SESTD1: variants seen among roughly 807,000 people sequenced by gnomAD.
The protein encoded by SESTD1 is SEC14 domain and spectrin repeat-containing protein 1.
In SESTD1, 43 loss-of-function variants were observed where a neutral mutation model predicts 101.7. That is an observed-to-expected ratio of 0.42 (90% CI 0.33 to 0.55). SESTD1 has a LOEUF of 0.55. SESTD1 is among the 20% of genes least tolerant of loss of function. The pLI is 0.07. For synonymous variants in SESTD1, 283 were observed against 286.8 expected (o/e 0.99, Z 0.13); for missense variants, 647 against 815.1 (o/e 0.79, Z 2.51).
intron 5 of SESTD1, among the ~76,000 whole-genome samples, chr2:179,154,303 G>C (rs2045586105): frequency 2.1e-5 from 3 of 145,140 alleles, no homozygotes; most frequent in South Asian, 2.3e-4. Flanking sequence ...GGAAGAGAGG[G>C]AGGGAGGGAG....
rs1164014830 is a variant in SESTD1, at chr2:179,201,814, C to T, written c.-25-9948G>A. 1.6e-5 allele frequency among the ~76,000 whole-genome samples: 2 copies of T among 128,772 alleles called. 1 individual carries two copies. The highest frequency in any genetic ancestry group is 3.3e-5 in the Non-Finnish European group (2 of 61,164). The allele number at this position is 128,772 out of a possible 152,430, so 84.5% of individuals were successfully genotyped here. ...GGGAGGGATAGCATTGGGCAACATA[C>T]CTAATGCTAGATGATGAGTTAGTGG... is the stretch of plus-strand genomic sequence containing the variant. On this transcript the variant is annotated intron_variant, in intron 1 of 17. Coordinates refer to ENST00000428443, the MANE Select transcript of SESTD1 (RefSeq NM_178123.5).
chr2:179,232,441 A>C (rs2047001270), intron 1 of SESTD1, among the ~76,000 whole-genome samples: 2 of 151,948 alleles, frequency 1.3e-5, no homozygotes, highest in African/African-American at 2.4e-5. Flanking sequence ...AAATCCTGGA[A>C]TTTTTTTAAG....
chr2:179,110,620 C>T (rs1013512974), intron 17 of SESTD1, among the ~76,000 whole-genome samples: 2 of 151,994 alleles, frequency 1.3e-5, no homozygotes, highest in African/African-American at 2.4e-5. Flanking sequence ...TAAGCAAGGT[C>T]ACCCAGGGAA....
intron 1 of SESTD1, among the ~76,000 whole-genome samples, chr2:179,258,839 T>C (rs1315104670): frequency 6.6e-6 from 1 of 152,268 alleles, no homozygotes; most frequent in Admixed American, 6.5e-5. Flanking sequence ...AGTATCATCT[T>C]AAATTACTAC....
intron 10 of SESTD1, among the ~76,000 whole-genome samples, chr2:179,129,635 T>A (rs2044963147): frequency 6.6e-6 from 1 of 152,224 alleles, no homozygotes; most frequent in Non-Finnish European, 1.5e-5. Context: ...TCTCAAATTC[T>A]ACCGTTAACA....
chr2:179,197,758 C>T (rs1223043065), intron 1 of SESTD1, among the ~76,000 whole-genome samples: 3 of 151,982 alleles, frequency 2.0e-5, no homozygotes, highest in Admixed American at 6.6e-5. Flanking sequence ...CAAGCAAATG[C>T]TGAGAGATTT....
Position 179,149,412 on chromosome 2 carries a change from T to C in SESTD1, c.484-18A>G. ...TCAAAAACCTACAATATGAGTTTTATTAACATACTAAGAACAGTCTTAAAA... is the reference window on the plus strand; with the variant it reads ...TCAAAAACCTACAATATGAGTTTTACTAACATACTAAGAACAGTCTTAAAA... On this transcript the variant is annotated intron_variant, in intron 6 of 17. Transcript: ENST00000428443. 1.3e-6 allele frequency: 2 copies of C among 1,496,854 alleles called. No homozygotes were observed. Among genetic ancestry groups the C allele is most frequent in the South Asian group, 1.2e-5 (1 of 84,714 alleles). The allele number at this position is 1,496,854 out of a possible 1,614,324, so 92.7% of individuals were successfully genotyped here.
chr2:179,109,872 T>A lies in SESTD1; in HGVS notation c.*27A>T. On this transcript the variant is annotated 3_prime_UTR_variant, in exon 18 of 18. Transcript: ENST00000428443. ...GTTGACAACATGCGGGATTATGAAC[T>A]GCAAATCTGTAGGTAGCTGGTAGCT... 6.2e-7 allele frequency: 1 copy of A among 1,612,160 alleles called. No individual in the cohort carries two copies. Among genetic ancestry groups the A allele is most frequent in the Non-Finnish European group, 8.5e-7 (1 of 1,179,068 alleles).
At chr2:179,158,310 C>T (rs1309853291) in intron 5 of SESTD1, among the ~76,000 whole-genome samples, 1 of 152,130 alleles carries the variant, frequency 6.6e-6, no homozygotes, top group Non-Finnish European at 1.5e-5. Flanking sequence ...CCTATCTTGT[C>T]CAATGAAGAG....
chr2:179,169,703 C>T (rs1026174634), intron 5 of SESTD1, among the ~76,000 whole-genome samples: 1 of 152,018 alleles, frequency 6.6e-6, no homozygotes, highest in Non-Finnish European at 1.5e-5. Context: ...TGAAGTCAGC[C>T]GGGCACGGTG....
At chr2:179,128,760 A>G (rs944265474) in intron 10 of SESTD1, among the ~76,000 whole-genome samples, 1 of 151,536 alleles carries the variant, frequency 6.6e-6, no homozygotes, top group Admixed American at 6.6e-5. Context: ...AAAAAAAAAA[A>G]CCCAGTAGAA....
chr2:179,121,346 C>A (rs1431238157), intron 13 of SESTD1, among the ~76,000 whole-genome samples: 1 of 152,062 alleles, frequency 6.6e-6, no homozygotes, highest in Admixed American at 6.5e-5. Context: ...CCTCCTACAG[C>A]AAATATGAGA....
chr2:179,231,920 C>T (rs1455879657), intron 1 of SESTD1, among the ~76,000 whole-genome samples: 1 of 151,808 alleles, frequency 6.6e-6, no homozygotes, highest in Non-Finnish European at 1.5e-5. Context: ...TCGTGTATGC[C>T]TATCATCACA....
At chr2:179,169,231 TTAAAAG>T (rs1196276640) in intron 5 of SESTD1, among the ~76,000 whole-genome samples, 4 of 151,754 alleles carry the variant, frequency 2.6e-5, no homozygotes, top group African/African-American at 9.7e-5. Context: ...TATAAAGAAG[TTAAAAG>T]TAAAAGAATG....
rs1430396978 is a variant in SESTD1, at chr2:179,183,339, T to C, written c.56-151A>G. 4 of 506,554 alleles carry C rather than the reference T, an allele frequency of 7.9e-6. No homozygotes were observed. In the East Asian group the frequency reaches 1.4e-4, roughly 17 times the overall value. The allele number at this position is 506,554 out of a possible 1,614,324, so 31.4% of individuals were successfully genotyped here. ...TGGCTACTTATAGATTGTAAATTTT[T>C]ATGATAGTATAGAAGAATTACAGAA... On this transcript the variant is annotated intron_variant, in intron 2 of 17. Transcript: ENST00000428443.
Position 179,109,744 on chromosome 2 carries a change from T to A in SESTD1, c.*155A>T, listed in dbSNP as rs1162876200. On this transcript the variant is annotated 3_prime_UTR_variant, in exon 18 of 18. Transcript: ENST00000428443. The stretch of plus-strand genomic sequence containing the variant: ...ATGTTAAGTAATTATGCCTTGGTAG[T>A]AGCAAGGTGTTAACATGTAAAGAGA... 4 of 850,872 alleles carry A rather than the reference T, an allele frequency of 4.7e-6. No homozygotes were observed. The Admixed American group carries it at 7.9e-5, about 17-fold the overall frequency. The allele number at this position is 850,872 out of a possible 1,614,324, so 52.7% of individuals were successfully genotyped here.
At chr2:179,220,772 CA>C (rs1011563575) in intron 1 of SESTD1, among the ~76,000 whole-genome samples, 1 of 152,178 alleles carries the variant, frequency 6.6e-6, no homozygotes, top group African/African-American at 2.4e-5. Flanking sequence ...TCCTCTTCTT[CA>C]ACTCAGAATT....
chr2:179,215,452 T>G (rs2046707571), intron 1 of SESTD1, among the ~76,000 whole-genome samples: 1 of 133,910 alleles, frequency 7.5e-6, no homozygotes, highest in African/African-American at 3.0e-5. Context: ...AGAAGTTGAA[T>G]CTCTGAATAG....
At chr2:179,115,396 CT>C in intron 15 of SESTD1, 140 bp from the exon 16 acceptor site, 1 of 609,852 alleles carries the variant, frequency 1.6e-6, no homozygotes, top group Non-Finnish European at 2.8e-6. Context: ...GCACTTATTA[CT>C]ACAAATCATC....
Sources: allele counts gnomAD v4.1 joint callset (sites outside exome capture counted in the v4.1 genomes callset), GRCh38; gene constraint gnomAD v4.1.1; transcripts MANE v1.5; gene names NCBI Gene and HGNC (gene_info 2026-07-23, HGNC 2026-07-21).